KIAA1217: variants seen among roughly 807,000 people sequenced by gnomAD.
KIAA1217 encodes KIAA1217.
KIAA1217 carries 88 observed loss-of-function variants against 163.9 expected under a neutral mutation model. The observed-to-expected ratio is 0.54, with a 90% CI of 0.45 to 0.64. The LOEUF (loss-of-function observed/expected upper bound fraction) is 0.64, where lower values mean the gene tolerates loss of function less well. KIAA1217 is among the 30% of genes least tolerant of loss of function. KIAA1217 has a pLI of 0.00. For missense variants in KIAA1217, 2,372 were observed against 2,475.0 expected, an observed-to-expected ratio of 0.96 and a Z score of 0.88; for synonymous variants, 903 against 923.1, an observed-to-expected ratio of 0.98 and a Z score of 0.39.
At chr10:24,529,717 C>T (rs576307483) in intron 14 of KIAA1217, among the ~76,000 whole-genome samples, 6 of 152,022 alleles carry the variant, frequency 3.9e-5, no homozygotes, top group South Asian at 2.1e-4. Flanking sequence ...CTGGGCGGGG[C>T]GGCTCTTCTC....
chr10:24,082,267 G>A (rs1402831105), intron 2 of KIAA1217, among the ~76,000 whole-genome samples: 1 of 151,636 alleles, frequency 6.6e-6, no homozygotes, highest in Admixed American at 6.6e-5. Context: ...ATATTCCAGG[G>A]TACATGTGCA....
At chr10:24,174,679 G>A (rs2065784724) in intron 2 of KIAA1217, among the ~76,000 whole-genome samples, 1 of 152,182 alleles carries the variant, frequency 6.6e-6, no homozygotes, top group Admixed American at 6.5e-5. Flanking sequence ...CAGTCCTCAG[G>A]AAACTCATCG....
chr10:24,029,721 T>C (rs574876449), intron 2 of KIAA1217, among the ~76,000 whole-genome samples: 57 of 150,954 alleles, frequency 3.8e-4, no homozygotes, highest in African/African-American at 1.4e-3. Flanking sequence ...TCTGAAAAGA[T>C]CTTCTCAGAG....
intron 1 of KIAA1217, among the ~76,000 whole-genome samples, chr10:23,984,927 A>G (rs895679448): frequency 1.5e-5 from 2 of 129,534 alleles, no homozygotes; most frequent in Non-Finnish European, 3.4e-5. Flanking sequence ...TTAAAGTATT[A>G]AAAAAAAAAA....
At position 24,546,383 on chromosome 10, in the gene KIAA1217, A is replaced by G; in HGVS notation, c.*59A>G. 6.8e-7 allele frequency: 1 copy of G among 1,468,886 alleles called. No individual in the cohort carries two copies. Among genetic ancestry groups the G allele is most frequent in the African/African-American group, 1.4e-5 (1 of 70,908 alleles). 91.0% of individuals were successfully genotyped at this position (1,468,886 alleles called of 1,614,324 possible). On this transcript the variant is annotated 3_prime_UTR_variant, in exon 21 of 21. Coordinates refer to ENST00000376454, the MANE Select transcript of KIAA1217 (RefSeq NM_019590.5). ...CATTTAAAAAAAATTAACAGTCTAC[A>G]ACAACTGTTTTCACAAGAGAATGTA...
chr10:24,037,018 G>A (rs867627674), intron 2 of KIAA1217, among the ~76,000 whole-genome samples: 21 of 152,190 alleles, frequency 1.4e-4, no homozygotes, highest in Admixed American at 3.9e-4. Context: ...GAGGAGATCC[G>A]TAGGGCCCTG....
chr10:24,233,840 C>T (rs1262168197), intron 2 of KIAA1217, among the ~76,000 whole-genome samples: 1 of 152,068 alleles, frequency 6.6e-6, no homozygotes, highest in African/African-American at 2.4e-5. Flanking sequence ...AGGTTGTTCA[C>T]TTCTGAGCAA....
At position 23,790,248 on chromosome 10, in the gene KIAA1217, T is replaced by C. The variant is rs549129026; in HGVS notation, c.-321+95014T>C. On this transcript the variant is annotated intron_variant, in intron 1 of 18. Transcript: ENST00000376462. ...ATATGCACATATGCATATGCACATATGCATATGCACATATGCATATGCACA... is the reference window on the plus strand; with the variant it reads ...ATATGCACATATGCATATGCACATACGCATATGCACATATGCATATGCACA... Among the ~76,000 whole-genome samples the C allele has an allele frequency of 3.4e-5, 4 of 117,428 alleles. 2 individuals carry two copies. The highest frequency in any genetic ancestry group is 7.9e-5 in the African/African-American group (2 of 25,440). 77.0% of individuals were successfully genotyped at this position (117,428 alleles called of 152,430 possible).
At position 24,517,022 on chromosome 10, in the gene KIAA1217, TA is replaced by T. The variant is rs531127647; in HGVS notation, c.2178-3096del. 6.3e-4 allele frequency among the ~76,000 whole-genome samples: 96 copies of T among 151,760 alleles called. 2 individuals are homozygous for T. Among genetic ancestry groups the T allele is most frequent in the African/African-American group, 2.3e-3 (96 of 41,368 alleles). ...ATGTCTACAAAATAAAAATTAAAAT[TA>T]AAAATAAACCCTAGCCGATCATGGT... On this transcript the variant is annotated intron_variant, in intron 10 of 20. Coordinates refer to ENST00000376454, the MANE Select transcript of KIAA1217 (RefSeq NM_019590.5).
At position 24,118,521 on chromosome 10, in the gene KIAA1217, G is replaced by A. The variant is rs559906464; in HGVS notation, c.-170-101105G>A. Among the ~76,000 whole-genome samples, 7 of 152,310 alleles carry A rather than the reference G, an allele frequency of 4.6e-5. No homozygotes were observed. In the South Asian group the frequency reaches 1.4e-3, roughly 32 times the overall value. ...TTTACTACAAGGGACTTCAGAGAATGAGTTCATTTCTCTTCAGACATCCTC... is the reference window on the plus strand; with the variant it reads ...TTTACTACAAGGGACTTCAGAGAATAAGTTCATTTCTCTTCAGACATCCTC... On this transcript the variant is annotated intron_variant, in intron 2 of 18. Coordinates refer to the KIAA1217 transcript ENST00000376462.
intron 1 of KIAA1217, among the ~76,000 whole-genome samples, chr10:23,941,964 A>G (rs1159315438): frequency 6.6e-6 from 1 of 152,122 alleles, no homozygotes; most frequent in Admixed American, 6.6e-5. Context: ...AGGACAGTCA[A>G]CCAATAATTC....
chr10:23,767,818 T>A (rs1834609218), intron 1 of KIAA1217, among the ~76,000 whole-genome samples: 1 of 152,114 alleles, frequency 6.6e-6, no homozygotes, highest in Non-Finnish European at 1.5e-5. Context: ...AAAGCCCTAC[T>A]TTAGGAATAA....
chr10:24,008,334 G>A (rs1427143372), intron 2 of KIAA1217, among the ~76,000 whole-genome samples: 3 of 152,272 alleles, frequency 2.0e-5, no homozygotes, highest in Non-Finnish European at 1.5e-5. Context: ...GAGAATCATT[G>A]TCAGGAAGCA....
At chr10:24,322,496 T>C (rs536921066) in intron 2 of KIAA1217, among the ~76,000 whole-genome samples, 2 of 152,182 alleles carry the variant, frequency 1.3e-5, no homozygotes, top group Non-Finnish European at 2.9e-5. Context: ...AAAAAGACCC[T>C]GTACATGAAC....
intron 2 of KIAA1217, among the ~76,000 whole-genome samples, chr10:24,160,869 G>C (rs530704465): frequency 8.5e-5 from 13 of 152,296 alleles, no homozygotes; most frequent in African/African-American, 2.9e-4. Flanking sequence ...TCCTGACTTT[G>C]CTGTGGCTAA....
chr10:23,722,215 A>T (rs6482321), intron 1 of KIAA1217, among the ~76,000 whole-genome samples: 49,259 of 152,014 alleles, frequency 0.32, 9,971 homozygotes, highest in African/African-American at 0.57. Flanking sequence ...TTGTTTAATG[A>T]GATTAATGTG....
intron 1 of KIAA1217, among the ~76,000 whole-genome samples, chr10:24,004,714 A>G (rs1356154274): frequency 1.3e-5 from 2 of 152,236 alleles, no homozygotes; most frequent in Admixed American, 1.3e-4. Context: ...TCTCATATAC[A>G]ACTTTCTCAG....
chr10:23,814,045 T>C (rs1837202290), intron 1 of KIAA1217, among the ~76,000 whole-genome samples: 1 of 152,148 alleles, frequency 6.6e-6, no homozygotes, highest in African/African-American at 2.4e-5. Flanking sequence ...TTTTGGTGAC[T>C]TCAAAATTCA....
At chr10:24,522,093 T>C (rs772799523) in intron 12 of KIAA1217, among the ~76,000 whole-genome samples, 164 bp downstream of exon 12, 27 of 152,084 alleles carry the variant, frequency 1.8e-4, no homozygotes, top group Non-Finnish European at 3.5e-4. Context: ...TATTGCAATA[T>C]GGCTTGAGGT....
Sources: gnomAD v4.1 joint callset for allele counts (sites outside exome capture counted in the v4.1 genomes callset) on GRCh38, gnomAD v4.1.1 for gene constraint, MANE v1.5 for transcripts, NCBI Gene and HGNC (gene_info 2026-07-23, HGNC 2026-07-21) for gene names.